The following KIAA1671 variants were observed in gnomAD, a reference collection of about 807,000 sequenced individuals.
KIAA1671 encodes uncharacterized protein KIAA1671.
In KIAA1671, 52 loss-of-function variants were observed where a neutral mutation model predicts 131.2. That is an observed-to-expected ratio of 0.40 (90% CI 0.32 to 0.50). The LOEUF is 0.50. Ranked by LOEUF, KIAA1671 falls within the 20% of genes least tolerant of loss-of-function variation. KIAA1671 has a pLI of 0.73. For synonymous variants in KIAA1671, 1,003 were observed against 961.6 expected (o/e 1.04, Z -0.80); for missense variants, 2,360 against 2,364.2 (o/e 1.00, Z 0.04).
At chr22:24,979,284 G>C (rs1034383009) in intron 1 of KIAA1671, among the ~76,000 whole-genome samples, 1 of 150,234 alleles carries the variant, frequency 6.7e-6, no homozygotes, top group African/African-American at 2.4e-5. Context: ...CCAATGTGCT[G>C]GGATTAGAGG....
Position 25,029,294 on chromosome 22 carries a change from C to A in KIAA1671, c.1295C>A (p.Ala432Asp). 6.6e-7 allele frequency: 1 copy of A among 1,520,812 alleles called. No individual in the cohort carries two copies. Among genetic ancestry groups the A allele is most frequent in the Non-Finnish European group, 8.9e-7 (1 of 1,129,364 alleles). The allele number at this position is 1,520,812 out of a possible 1,614,324, so 94.2% of individuals were successfully genotyped here. Reference protein sequence around the residue: ...DGEAAAGGEWASRRSVRKCIS... With the variant: ...DGEAAAGGEWDSRRSVRKCIS... ...GAGGCCGCGGCAGGGGGAGAGTGGGCCTCCAGGAGGAGTGTCAGGAAGTGC... is the reference window on the plus strand; with the variant it reads ...GAGGCCGCGGCAGGGGGAGAGTGGGACTCCAGGAGGAGTGTCAGGAAGTGC... Residue 432 changes from alanine to aspartate, a missense_variant, in exon 3 of 13, where the codon GCC becomes GAC. Physicochemically the swap from Ala to Asp is moderately radical, Grantham distance 126 (BLOSUM62 -2). Coordinates refer to ENST00000358431, the MANE Select transcript of KIAA1671 (RefSeq NM_001145206.2).
intron 6 of KIAA1671, among the ~76,000 whole-genome samples, chr22:25,088,211 G>C (rs905637523): frequency 6.6e-6 from 1 of 151,726 alleles, no homozygotes; most frequent in Admixed American, 6.6e-5. Flanking sequence ...AGGTTCAAGC[G>C]ATCCTCGTGC....
At chr22:25,147,547 C>A (rs539912990) in intron 6 of KIAA1671, among the ~76,000 whole-genome samples, 1 of 152,166 alleles carries the variant, frequency 6.6e-6, no homozygotes, top group Non-Finnish European at 1.5e-5. Context: ...CCTGGCCATG[C>A]CCTCCCCCTG....
rs952675124 is a variant in KIAA1671, at chr22:25,040,618, C to T, written c.3488C>T (p.Thr1163Ile). The T allele has an allele frequency of 3.9e-6, 6 of 1,551,700 alleles. No individual in the cohort carries two copies. In the African/African-American group the frequency reaches 4.1e-5, roughly 11 times the overall value. ...MSPSGGAPQT[T>I]PTLRSRPKDL... ...CCCAGCGGCGGAGCTCCCCAAACCA[C>T]CCCGACTCTGAGGAGTCGTCCAAAA... The change falls in exon 5 of 13, where the codon ACC (threonine) becomes ATC (isoleucine). Residue 1163 changes from threonine (T) to isoleucine (I), a missense_variant. Physicochemically the swap from Thr to Ile is moderately conservative, Grantham distance 89. Transcript: ENST00000358431.
chr22:25,155,324 A>G (rs1933192014), intron 6 of KIAA1671, among the ~76,000 whole-genome samples: 1 of 152,142 alleles, frequency 6.6e-6, no homozygotes, highest in South Asian at 2.1e-4. Context: ...TACCAAAAAC[A>G]GTGCTGCTGG....
Position 25,040,918 on chromosome 22 carries a change from C to G in KIAA1671, c.3788C>G (p.Ala1263Gly). 1 of 1,496,978 alleles carries G rather than the reference C, an allele frequency of 6.7e-7. No homozygotes were observed. The highest frequency in any genetic ancestry group is 8.9e-7 in the Non-Finnish European group (1 of 1,123,116). 92.7% of individuals were successfully genotyped at this position (1,496,978 alleles called of 1,614,324 possible). A position where few individuals can be genotyped will look rare whatever the true frequency, so the allele number is the denominator to read the frequency against. ...MPDTGGLWKP[A>G]SSAEINHSFT... is the part of the protein sequence containing the mutation. ...GATACCGGGGGTCTCTGGAAACCGG[C>G]CAGTTCTGCCGAAATAAATCACAGT... The change falls in exon 5 of 13, where the codon GCC becomes GGC. Residue 1263 changes from alanine to glycine, a missense_variant. Ala to Gly is a moderately conservative substitution (Grantham distance 60). This residue lies in a region of KIAA1671 where 1,161 missense variants were observed against 1,204.7 expected (regional missense o/e 0.96). Transcript: ENST00000358431.
At chr22:25,191,559 C>G (rs1023152679) in intron 12 of KIAA1671, among the ~76,000 whole-genome samples, 1 of 152,152 alleles carries the variant, frequency 6.6e-6, no homozygotes, top group African/African-American at 2.4e-5. Context: ...TAGATAGGCC[C>G]TGGTGTAAGT....
intron 6 of KIAA1671, chr22:25,110,933 T>TG (rs1206965129): frequency 6.6e-6 from 1 of 152,438 alleles, no homozygotes; most frequent in African/African-American, 2.4e-5. Flanking sequence ...CAGTCCTTCC[T>TG]GGGGGACCTC....
At chr22:25,084,191 G>A (rs1325276137) in intron 6 of KIAA1671, among the ~76,000 whole-genome samples, 1 of 152,202 alleles carries the variant, frequency 6.6e-6, no homozygotes, top group Non-Finnish European at 1.5e-5. Context: ...GCTCCTGTGT[G>A]TATAGAACTT....
At chr22:24,960,874 C>T (rs1055682940) in intron 1 of KIAA1671, among the ~76,000 whole-genome samples, 5 of 152,026 alleles carry the variant, frequency 3.3e-5, no homozygotes, top group Non-Finnish European at 7.4e-5. Context: ...GAGACAGCCT[C>T]TTTGTATATT....
At chr22:24,971,008 A>G in intron 1 of KIAA1671, among the ~76,000 whole-genome samples, 1 of 152,146 alleles carries the variant, frequency 6.6e-6, no homozygotes, top group Admixed American at 6.6e-5. Context: ...CCCAGGCTGG[A>G]GTGCAATGGT....
chr22:25,005,032 G>T (rs956462422), intron 1 of KIAA1671, among the ~76,000 whole-genome samples: 1 of 151,082 alleles, frequency 6.6e-6, no homozygotes, highest in African/African-American at 2.4e-5. Flanking sequence ...TGAATTCCTT[G>T]TAGGTGGCAA....
At position 25,025,765 on chromosome 22, in the gene KIAA1671, C is replaced by T. The variant is rs1015106161; in HGVS notation, c.-75C>T. On this transcript the variant is annotated 5_prime_UTR_variant, in exon 2 of 13. Transcript: ENST00000358431. ...TTTTCCCGGCAGTCACACCCCCTGA[C>T]CCAGGGCCTGCCAGCTTGGGTAAGT... is the stretch of plus-strand genomic sequence containing the variant. 1.3e-5 allele frequency: 2 copies of T among 152,248 alleles called. No homozygotes were observed. The highest frequency in any genetic ancestry group is 6.5e-5 in the Admixed American group (1 of 15,280). 9.4% of individuals were successfully genotyped at this position (152,248 alleles called of 1,614,324 possible).
At chr22:25,018,308 C>T (rs1925453641) in intron 1 of KIAA1671, among the ~76,000 whole-genome samples, 1 of 152,044 alleles carries the variant, frequency 6.6e-6, no homozygotes, top group African/African-American at 2.4e-5. Flanking sequence ...GGGCATGGGC[C>T]CCCCGACGTG....
chr22:25,021,183 G>C (rs1925645912), intron 1 of KIAA1671, among the ~76,000 whole-genome samples: 1 of 152,010 alleles, frequency 6.6e-6, no homozygotes, highest in Non-Finnish European at 1.5e-5. Flanking sequence ...TCAGCCTCCT[G>C]AGTAGCTGGG....
chr22:25,151,039 T>G (rs1019035112), intron 6 of KIAA1671, among the ~76,000 whole-genome samples: 2 of 151,968 alleles, frequency 1.3e-5, no homozygotes, highest in Non-Finnish European at 2.9e-5. Flanking sequence ...TTTCACCGTG[T>G]TAGCCAGGAT....
chr22:24,973,539 A>G (rs5752030), intron 1 of KIAA1671, among the ~76,000 whole-genome samples: 62,374 of 149,492 alleles, frequency 0.42, 14,671 homozygotes, highest in East Asian at 0.75. Flanking sequence ...GGATACAGGC[A>G]TGTGCCACCA....
chr22:25,194,570 T>TG lies in KIAA1671; in HGVS notation c.*2170dup. 6.6e-6 allele frequency: 1 copy of TG among 152,364 alleles called. No individual in the cohort carries two copies. Among genetic ancestry groups the TG allele is most frequent in the East Asian group, 1.9e-4 (1 of 5,194 alleles). 9.4% of individuals were successfully genotyped at this position (152,364 alleles called of 1,614,324 possible). A position where few individuals can be genotyped will look rare whatever the true frequency, so the allele number is the denominator to read the frequency against. ...TCAGCTCAAGGATATCAGACAGGAA[T>TG]GAAACACACTTGAAAATGAGATTGA... On this transcript the variant is annotated 3_prime_UTR_variant, in exon 13 of 13. Coordinates refer to ENST00000358431, the MANE Select transcript of KIAA1671 (RefSeq NM_001145206.2).
chr22:25,031,488 G>A (rs1602082573), intron 3 of KIAA1671, among the ~76,000 whole-genome samples: 1 of 150,244 alleles, frequency 6.7e-6, no homozygotes, highest in African/African-American at 2.5e-5. Context: ...GAGCCACCAC[G>A]CCCGGCCTAA....
Sources: allele counts gnomAD v4.1 joint callset (sites outside exome capture counted in the v4.1 genomes callset), GRCh38; gene constraint gnomAD v4.1.1; regional missense constraint gnomAD v4.1.1; transcripts MANE v1.5; gene names NCBI Gene and HGNC (gene_info 2026-07-23, HGNC 2026-07-21).